SPTLC3: variants seen among roughly 807,000 people sequenced by gnomAD.
The protein encoded by SPTLC3 is serine palmitoyltransferase 3.
In SPTLC3, 36 loss-of-function variants were observed where a neutral mutation model predicts 59.3. The observed-to-expected ratio is 0.61, with a 90% CI of 0.47 to 0.80. The LOEUF is 0.80. SPTLC3 is among the 30% of genes least tolerant of loss of function. The pLI is 0.00. For synonymous variants in SPTLC3, 257 were observed against 240.8 expected (o/e 1.07, Z -0.62); for missense variants, 625 against 685.1 (o/e 0.91, Z 0.98).
chr20:13,085,798 G>T (rs1246036691), intron 4 of SPTLC3, among the ~76,000 whole-genome samples: 1 of 152,124 alleles, frequency 6.6e-6, no homozygotes, highest in African/African-American at 2.4e-5. Context: ...TCTAATTTTT[G>T]ATTTGACTGA....
chr20:13,016,156 C>T (rs150280847), intron 1 of SPTLC3, among the ~76,000 whole-genome samples: 251 of 150,994 alleles, frequency 1.7e-3, no homozygotes, highest in African/African-American at 5.9e-3. Flanking sequence ...ATTTGAAATA[C>T]AAAAGGTAAG....
At chr20:13,074,133 T>G (rs982490895) in intron 3 of SPTLC3, 22 of 722,910 alleles carry the variant, frequency 3.0e-5, no homozygotes, top group Admixed American at 1.3e-4. Flanking sequence ...CGGCACTGGC[T>G]GAGGGGGTCT....
chr20:13,105,449 A>G (rs1044956253), intron 6 of SPTLC3, among the ~76,000 whole-genome samples: 2 of 151,694 alleles, frequency 1.3e-5, no homozygotes, highest in Non-Finnish European at 2.9e-5. Context: ...AATGTATAAA[A>G]CACAGCGCGG....
chr20:13,122,838 A>C lies in SPTLC3; in HGVS notation c.1153-3753A>C, dbSNP rs1568613610. Among the ~76,000 whole-genome samples, 3 of 152,088 alleles carry C rather than the reference A, an allele frequency of 2.0e-5. No homozygotes were observed. In the South Asian group the frequency reaches 6.2e-4, roughly 32 times the overall value. ...TTCACTCCTACTGCCACCCCTCCCC[A>C]TAAGGATGGAGGAAGAGTTAGGCTG... On this transcript the variant is annotated intron_variant, in intron 8 of 11. Transcript: ENST00000399002.
rs192792251 is a variant in SPTLC3, at chr20:13,045,798, G to A, written c.118-3147G>A. 4.1e-4 allele frequency among the ~76,000 whole-genome samples: 63 copies of A among 152,172 alleles called. 2 individuals are homozygous for A. Among genetic ancestry groups the A allele is most frequent in the South Asian group, 3.3e-3 (16 of 4,810 alleles). ...GGCCCAGTCTGTGCAACCAACTGAG[G>A]GTTTTATTTGCATCTAGGTAGACCA... On this transcript the variant is annotated intron_variant, in intron 1 of 11. Transcript: ENST00000399002.
At chr20:13,028,931 G>A (rs1220590511) in intron 1 of SPTLC3, among the ~76,000 whole-genome samples, 1 of 152,188 alleles carries the variant, frequency 6.6e-6, no homozygotes, top group Non-Finnish European at 1.5e-5. Flanking sequence ...AACAGGTATA[G>A]TCACTTGCCC....
intron 6 of SPTLC3, among the ~76,000 whole-genome samples, chr20:13,107,428 A>G: frequency 6.6e-6 from 1 of 152,238 alleles, no homozygotes; most frequent in East Asian, 1.9e-4. Flanking sequence ...TGGCAGAGGG[A>G]AGAAGCTTAA....
chr20:13,044,719 T>C (rs1203103269), intron 1 of SPTLC3, among the ~76,000 whole-genome samples: 1 of 152,174 alleles, frequency 6.6e-6, no homozygotes, highest in Non-Finnish European at 1.5e-5. Context: ...TCTCACTTAA[T>C]TTTCAAAAGT....
chr20:13,083,367 G>A (rs768127633), intron 4 of SPTLC3, among the ~76,000 whole-genome samples: 1 of 152,090 alleles, frequency 6.6e-6, no homozygotes, highest in Non-Finnish European at 1.5e-5. Context: ...CTCTCCTAAT[G>A]AAGAGCTAGA....
chr20:13,013,905 A>G (rs910686986), intron 1 of SPTLC3, among the ~76,000 whole-genome samples: 7 of 152,144 alleles, frequency 4.6e-5, no homozygotes, highest in African/African-American at 1.7e-4. Context: ...GCTGCAGATC[A>G]ACTTGCCTGA....
chr20:13,115,445 C>T (rs1411496159), intron 7 of SPTLC3, among the ~76,000 whole-genome samples: 1 of 152,108 alleles, frequency 6.6e-6, no homozygotes, highest in Non-Finnish European at 1.5e-5. Context: ...AATTAGCTGC[C>T]CGCAGTGTCT....
chr20:13,014,919 C>CTACA (rs1435487163), intron 1 of SPTLC3, among the ~76,000 whole-genome samples: 2 of 152,244 alleles, frequency 1.3e-5, no homozygotes, highest in Non-Finnish European at 1.5e-5. Flanking sequence ...TCAAGCTGAG[C>CTACA]TACAGGTGCT....
chr20:13,033,672 A>G (rs1986602683), intron 1 of SPTLC3, among the ~76,000 whole-genome samples: 1 of 152,212 alleles, frequency 6.6e-6, no homozygotes. Context: ...AATATTTAAA[A>G]GATAATAAGA....
At position 13,159,692 on chromosome 20, in the gene SPTLC3, A is replaced by G. The variant is rs2038852046; in HGVS notation, c.1416-311A>G. Among the ~76,000 whole-genome samples the G allele has an allele frequency of 3.3e-5, 5 of 152,248 alleles. 1 individual carries two copies. In the South Asian group the frequency reaches 1.0e-3, roughly 32 times the overall value. On this transcript the variant is annotated intron_variant, in intron 10 of 11. Coordinates refer to ENST00000399002, the MANE Select transcript of SPTLC3 (RefSeq NM_018327.4). ...TTTTATATCACTGCAGATTTGTTAA[A>G]CCAGAGTCATAAACATCAGCATTTT...
chr20:13,027,216 G>A (rs1039287135), intron 1 of SPTLC3, among the ~76,000 whole-genome samples: 2 of 152,154 alleles, frequency 1.3e-5, no homozygotes, highest in African/African-American at 2.4e-5. Flanking sequence ...CCAAAATTAA[G>A]ACAGTGATTT....
Position 13,164,973 on chromosome 20 carries a change from G to A in SPTLC3, c.*106G>A, listed in dbSNP as rs1391892198. 1 of 945,180 alleles carries A rather than the reference G, an allele frequency of 1.1e-6. No individual in the cohort carries two copies. The highest frequency in any genetic ancestry group is 1.7e-5 in the African/African-American group (1 of 60,296). 58.5% of individuals were successfully genotyped at this position (945,180 alleles called of 1,614,324 possible). A position where few individuals can be genotyped will look rare whatever the true frequency, so the allele number is the denominator to read the frequency against. The stretch of plus-strand genomic sequence containing the variant: ...CTCCCCCTTCCTCAGGACAATTTTG[G>A]TTCCCAGACCAGCTTGATTGAACTG... On this transcript the variant is annotated 3_prime_UTR_variant, in exon 12 of 12. Coordinates refer to ENST00000399002, the MANE Select transcript of SPTLC3 (RefSeq NM_018327.4).
chr20:13,118,208 A>G (rs1001234847), intron 8 of SPTLC3, among the ~76,000 whole-genome samples: 4 of 152,138 alleles, frequency 2.6e-5, no homozygotes, highest in African/African-American at 9.7e-5. Context: ...AGGGAGGCTG[A>G]CCCTATGCTA....
At chr20:13,029,965 T>A (rs1157247487) in intron 1 of SPTLC3, among the ~76,000 whole-genome samples, 1 of 152,162 alleles carries the variant, frequency 6.6e-6, no homozygotes, top group Non-Finnish European at 1.5e-5. Context: ...TGGTCTAGCA[T>A]CAGGGGACAG....
intron 6 of SPTLC3, among the ~76,000 whole-genome samples, chr20:13,109,008 T>G (rs1600291883): frequency 6.6e-6 from 1 of 152,150 alleles, no homozygotes; most frequent in East Asian, 1.9e-4. Flanking sequence ...ACAGTACAAA[T>G]ATAATCAGTC....
Sources: gnomAD v4.1 joint callset for allele counts (sites outside exome capture counted in the v4.1 genomes callset) on GRCh38, gnomAD v4.1.1 for gene constraint, MANE v1.5 for transcripts, NCBI Gene and HGNC (gene_info 2026-07-23, HGNC 2026-07-21) for gene names.